Variants in OTOP2 observed in about 807,000 individuals in gnomAD.
The protein encoded by OTOP2 is otopetrin 2.
Under a neutral mutation model 47.4 loss-of-function variants are expected in OTOP2, and 41 were observed. That is an observed-to-expected ratio of 0.87 (90% CI 0.67 to 1.12). The LOEUF (loss-of-function observed/expected upper bound fraction) is 1.12. OTOP2 is among the 50% of genes most tolerant of loss of function. OTOP2 has a pLI of 0.00. For synonymous variants in OTOP2, 328 were observed against 319.6 expected (o/e 1.03, Z -0.28); for missense variants, 721 against 752.2 (o/e 0.96, Z 0.49).
chr17:74,927,869 T>C (rs1214571037), intron 5 of OTOP2, 71 bp downstream of exon 5: 3 of 1,547,874 alleles, frequency 1.9e-6, no homozygotes, highest in East Asian at 4.7e-5. Context: ...ATTTATAACG[T>C]CAGTCTCCTG....
At chr17:74,929,516 C>A (rs909381874) in intron 5 of OTOP2, among the ~76,000 whole-genome samples, 1 of 152,186 alleles carries the variant, frequency 6.6e-6, no homozygotes, top group East Asian at 1.9e-4. Flanking sequence ...ACCTCTGCCT[C>A]CTGGGTTCAA....
intron 6 of OTOP2, among the ~76,000 whole-genome samples, chr17:74,931,518 T>C (rs2039058689): frequency 6.6e-6 from 1 of 152,212 alleles, no homozygotes; most frequent in Admixed American, 6.5e-5. Context: ...ACTTGTGATC[T>C]GCCTGCTTCT....
intron 6 of OTOP2, among the ~76,000 whole-genome samples, chr17:74,931,480 C>T (rs1022799610): frequency 6.6e-6 from 1 of 152,170 alleles, no homozygotes; most frequent in Admixed American, 6.5e-5. Flanking sequence ...TCCTCACCCC[C>T]CAGTGGGAGG....
chr17:74,931,143 G>A lies in OTOP2; in HGVS notation c.1508G>A (p.Cys503Tyr). The change falls in exon 6 of 7, where the codon TGC becomes TAC. Residue 503 changes from cysteine (C) to tyrosine (Y), a missense_variant. Transcript: ENST00000331427. ...GACATTTCTCTGTTTCTCCTACTCTGCAATGTCATTGTGAGTAGCTGGGGG... is the reference window on the plus strand; with the variant it reads ...GACATTTCTCTGTTTCTCCTACTCTACAATGTCATTGTGAGTAGCTGGGGG... ...LKDISLFLLL[C>Y]NVILWIMPAF... 2 of 1,594,248 alleles carry A rather than the reference G, an allele frequency of 1.3e-6. No homozygotes were observed. The highest frequency in any genetic ancestry group is 1.1e-5 in the South Asian group (1 of 88,136).
At position 74,930,813 on chromosome 17, in the gene OTOP2, G is replaced by T; in HGVS notation, c.1178G>T (p.Gly393Val). The T allele has an allele frequency of 6.2e-7, 1 of 1,614,058 alleles. No homozygotes were observed. Among genetic ancestry groups the T allele is most frequent in the Non-Finnish European group, 8.5e-7 (1 of 1,180,004 alleles). The stretch of plus-strand genomic sequence containing the variant: ...TACTCCATCGTGGCTGTGGTGGCGG[G>T]CACACCCCAGGACCTGCTGGCAGGG... ...SYYSIVAVVAGTPQDLLAGLN... is the reference protein window; with the variant it reads ...SYYSIVAVVAVTPQDLLAGLN... The change falls in exon 6 of 7, where the codon GGC (glycine) becomes GTC (valine). Residue 393 changes from glycine (G) to valine (V), a missense_variant. By Grantham distance (109) the Gly-to-Val change is moderately radical. Coordinates refer to ENST00000331427, the MANE Select transcript of OTOP2 (RefSeq NM_178160.3). The surrounding 1 kb of genome is among the most constrained non-coding windows in gnomAD (Gnocchi z 4.0).
intron 4 of OTOP2, 173 bp downstream of exon 4, chr17:74,927,454 C>T: frequency 9.7e-7 from 1 of 1,031,650 alleles, no homozygotes; most frequent in African/African-American, 1.6e-5. Flanking sequence ...GGCCCTTTCT[C>T]CCAGGGGAGG....
intron 2 of OTOP2, 22 bp from the exon 3 acceptor site, chr17:74,925,534 C>T: frequency 6.2e-7 from 1 of 1,611,084 alleles, no homozygotes; most frequent in Non-Finnish European, 8.5e-7. Flanking sequence ...ACCACCACCA[C>T]CCACCCACCC....
At chr17:74,925,828 T>TA (rs1216121987) in intron 3 of OTOP2, 136 bp downstream of exon 3, 5 of 1,299,300 alleles carry the variant, frequency 3.8e-6, no homozygotes, top group Middle Eastern at 2.1e-4. Context: ...GACAGGGCTG[T>TA]AGAGAGCATC....
chr17:74,932,117 C>T (rs1396565714), intron 6 of OTOP2, among the ~76,000 whole-genome samples: 1 of 152,040 alleles, frequency 6.6e-6, no homozygotes, highest in Non-Finnish European at 1.5e-5. Flanking sequence ...CCAGTGGGGG[C>T]TTATTATTAC....
intron 3 of OTOP2, 107 bp from the exon 4 acceptor site, chr17:74,927,116 G>A (rs565138822): frequency 1.9e-6 from 2 of 1,039,246 alleles, no homozygotes; most frequent in East Asian, 2.4e-5. Flanking sequence ...TGATAACTCA[G>A]TGTAAGGGTT....
At position 74,933,393 on chromosome 17, in the gene OTOP2, T is replaced by A; in HGVS notation, c.1537T>A (p.Phe513Ile). 1.2e-6 allele frequency: 2 copies of A among 1,610,946 alleles called. No individual in the cohort carries two copies. The highest frequency in any genetic ancestry group is 1.7e-6 in the Non-Finnish European group (2 of 1,177,420). The change falls in exon 7 of 7, where the codon TTC (phenylalanine) becomes ATC (isoleucine). Residue 513 changes from phenylalanine to isoleucine, a missense_variant. Transcript: ENST00000331427. The surrounding 1 kb of genome is among the most constrained non-coding windows in gnomAD (Gnocchi z 4.7). ...CNVILWIMPA[F>I]GARPHFSNTV... ...CACACAGCTGTGGATCATGCCTGCCTTCGGGGCCCGCCCTCATTTCAGCAA... is the reference window on the plus strand; with the variant it reads ...CACACAGCTGTGGATCATGCCTGCCATCGGGGCCCGCCCTCATTTCAGCAA...
chr17:74,924,584 C>T lies in OTOP2; in HGVS notation c.-33-16C>T, dbSNP rs758744816. ...GTCAGGGTTGACCTGGAGTTTTGTC[C>T]GCTCCTCCCCTACAGTGATCCCTCT... On this transcript the variant is annotated splice_polypyrimidine_tract_variant and intron_variant, in intron 1 of 6. Transcript: ENST00000331427. The surrounding 1 kb of genome is among the most constrained non-coding windows in gnomAD (Gnocchi z 7.7). The T allele has an allele frequency of 1.0e-5, 15 of 1,455,772 alleles. No individual in the cohort carries two copies. Among genetic ancestry groups the T allele is most frequent in the East Asian group, 2.4e-5 (1 of 41,146 alleles). The allele number at this position is 1,455,772 out of a possible 1,614,324, so 90.2% of individuals were successfully genotyped here. A position where few individuals can be genotyped will look rare whatever the true frequency, so the allele number is the denominator to read the frequency against.
chr17:74,925,754 C>G, intron 3 of OTOP2, 62 bp downstream of exon 3: 5 of 1,603,584 alleles, frequency 3.1e-6, no homozygotes, highest in Non-Finnish European at 4.3e-6. Flanking sequence ...TGGGAAGGAC[C>G]CAACAAGGGG....
At chr17:74,932,848 G>A (rs966302306) in intron 6 of OTOP2, among the ~76,000 whole-genome samples, 4 of 152,180 alleles carry the variant, frequency 2.6e-5, no homozygotes, top group Non-Finnish European at 5.9e-5. Flanking sequence ...AGAGGAAGCA[G>A]GATTCCAACT....
chr17:74,931,017 C>T lies in OTOP2; in HGVS notation c.1382C>T (p.Pro461Leu). Residue 461 changes from proline (P) to leucine (L), a missense_variant, in exon 6 of 7, where the codon CCA (proline) becomes CTA (leucine). Physicochemically the swap from Pro to Leu is moderately conservative, Grantham distance 98. Coordinates refer to ENST00000331427, the MANE Select transcript of OTOP2 (RefSeq NM_178160.3). ...GCCCTCCACACGTTGTCCGCCTGCC[C>T]ACCCAACCCCGGGCTGGTTAGCCCC... The part of the protein sequence containing the change: ...LDALHTLSAC[P>L]PNPGLVSPSP... The T allele has an allele frequency of 6.2e-7, 1 of 1,614,186 alleles. No individual in the cohort carries two copies. Among genetic ancestry groups the T allele is most frequent in the Non-Finnish European group, 8.5e-7 (1 of 1,180,040 alleles).
Position 74,933,428 on chromosome 17 carries a change from G to A in OTOP2, c.1572G>A (p.Glu524=). The change falls in exon 7 of 7, where the codon GAG becomes GAA. Residue 524 remains glutamate, a synonymous_variant. Coordinates refer to ENST00000331427, the MANE Select transcript of OTOP2 (RefSeq NM_178160.3). The surrounding 1 kb of genome is among the most constrained non-coding windows in gnomAD (Gnocchi z 4.7). ...GARPHFSNTV[E]VDFYGYSLWA... is the part of the protein sequence containing the mutation. ...GCCCTCATTTCAGCAACACAGTGGA[G>A]GTGGATTTCTACGGCTACTCCCTCT... 1 of 1,614,144 alleles carries A rather than the reference G, an allele frequency of 6.2e-7. No homozygotes were observed.
At position 74,930,943 on chromosome 17, in the gene OTOP2, T is replaced by C. The variant is rs1035300535; in HGVS notation, c.1308T>C (p.Ser436=). 5 of 1,613,938 alleles carry C rather than the reference T, an allele frequency of 3.1e-6. No homozygotes were observed. Among genetic ancestry groups the C allele is most frequent in the Non-Finnish European group, 3.4e-6 (4 of 1,179,972 alleles). Reference sequence around the variant, plus strand: ...GACCGCCCGGGGCTGAGCCTCACAGTACCCACCCCAAGGAGCCCTGCCAAG... The same window carrying C: ...GACCGCCCGGGGCTGAGCCTCACAGCACCCACCCCAAGGAGCCCTGCCAAG... The part of the protein sequence containing the change: ...HRGPPGAEPH[S]THPKEPCQDL... Residue 436 remains serine, a synonymous_variant, in exon 6 of 7, where the codon AGT becomes AGC. Transcript: ENST00000331427. The surrounding 1 kb of genome is among the most constrained non-coding windows in gnomAD (Gnocchi z 4.0).
At position 74,931,028 on chromosome 17, in the gene OTOP2, G is replaced by A. The variant is rs6501741; in HGVS notation, c.1393G>A (p.Gly465Arg). ...HTLSACPPNPGLVSPSPSDQR... is the reference protein window; with the variant it reads ...HTLSACPPNPRLVSPSPSDQR... Reference sequence around the variant, plus strand: ...GTTGTCCGCCTGCCCACCCAACCCCGGGCTGGTTAGCCCCAGCCCTTCAGA... The same window carrying A: ...GTTGTCCGCCTGCCCACCCAACCCCAGGCTGGTTAGCCCCAGCCCTTCAGA... The change falls in exon 6 of 7, where the codon GGG becomes AGG. Residue 465 changes from glycine (G) to arginine (R), a missense_variant. Transcript: ENST00000331427. The A allele has an allele frequency of 1.6e-3, 2,565 of 1,613,928 alleles. 4 individuals carry two copies. Among genetic ancestry groups the A allele is most frequent in the Non-Finnish European group, 1.9e-3 (2,280 of 1,179,982 alleles).
intron 3 of OTOP2, among the ~76,000 whole-genome samples, chr17:74,926,822 C>A (rs1236833543): frequency 2.0e-5 from 3 of 151,446 alleles, no homozygotes; most frequent in Non-Finnish European, 4.4e-5. Flanking sequence ...TGCAGTGGCA[C>A]GATCTCGGCT....
Sources: allele counts gnomAD v4.1 joint callset (sites outside exome capture counted in the v4.1 genomes callset), GRCh38; gene constraint gnomAD v4.1.1; non-coding constraint Gnocchi (gnomAD v3.1); transcripts MANE v1.5; gene names NCBI Gene and HGNC (gene_info 2026-07-23, HGNC 2026-07-21).